TRAPPC9: variants seen among roughly 807,000 people sequenced by gnomAD.
The protein encoded by TRAPPC9 is IKK2 binding protein.
TRAPPC9 carries 83 observed loss-of-function variants against 124.0 expected under a neutral mutation model. That is an observed-to-expected ratio of 0.67 (90% CI 0.56 to 0.80). The LOEUF is 0.80. Ranked by LOEUF, TRAPPC9 falls within the 30% of genes least tolerant of loss-of-function variation. The pLI, the probability that TRAPPC9 is intolerant of heterozygous loss-of-function variation, is 0.00. For synonymous variants in TRAPPC9, 638 were observed against 617.5 expected, an observed-to-expected ratio of 1.03 and a Z score of -0.49; for missense variants, 1,302 against 1,508.3, an observed-to-expected ratio of 0.86 and a Z score of 2.27.
rs572737043 is a variant in TRAPPC9, at chr8:140,182,699, G to A, written c.2556+38760C>T. Among the ~76,000 whole-genome samples, 3 of 152,274 alleles carry A rather than the reference G, an allele frequency of 2.0e-5. No individual in the cohort carries two copies. Among genetic ancestry groups the A allele is most frequent in the Middle Eastern group, 3.4e-3 (1 of 294 alleles). ...TGTGCCATTTGAGAGCTTACTTTAA[G>A]AAATTCTAAAAATACAGCCTCTTGG... On this transcript the variant is annotated intron_variant, in intron 17 of 22. Coordinates refer to ENST00000438773, the MANE Select transcript of TRAPPC9 (RefSeq NM_001160372.4). This position sits in a 1 kb window ranked among gnomAD's most constrained non-coding sequence, Gnocchi z 4.0.
rs1235614789 is a variant in TRAPPC9, at chr8:140,339,065, CCA to C, written c.1495+20983_1495+20984del. Among the ~76,000 whole-genome samples the C allele has an allele frequency of 5.4e-5, 8 of 148,484 alleles. No individual in the cohort carries two copies. In the East Asian group the frequency reaches 1.6e-3, roughly 30 times the overall value. On this transcript the variant is annotated intron_variant, in intron 9 of 22. Transcript: ENST00000438773. The stretch of plus-strand genomic sequence containing the variant: ...AACGGCTCAGAGAAAACCACCGCCA[CCA>C]GACGGCCACCTACAGGCCGACGGGA...
intron 16 of TRAPPC9, among the ~76,000 whole-genome samples, chr8:140,226,321 G>T (rs1157093051): frequency 6.6e-6 from 1 of 152,178 alleles, no homozygotes; most frequent in East Asian, 1.9e-4. Context: ...GGCCAGCGTG[G>T]TGGCTCACAC....
intron 17 of TRAPPC9, among the ~76,000 whole-genome samples, chr8:140,081,062 T>C (rs1013157709): frequency 2.0e-5 from 3 of 152,148 alleles, no homozygotes; most frequent in Non-Finnish European, 4.4e-5. Flanking sequence ...ACCCTGGCTC[T>C]GGAGGTGTGA....
intron 17 of TRAPPC9, among the ~76,000 whole-genome samples, chr8:140,062,772 A>G (rs1482134995): frequency 6.6e-6 from 1 of 152,062 alleles, no homozygotes; most frequent in Non-Finnish European, 1.5e-5. Context: ...ACATGGTGGC[A>G]CTCAGAAAGC....
chr8:139,998,755 A>G (rs1838206065), intron 18 of TRAPPC9, among the ~76,000 whole-genome samples: 1 of 152,192 alleles, frequency 6.6e-6, no homozygotes, highest in African/African-American at 2.4e-5. Context: ...ACAAAACAAA[A>G]AAAAACAATG....
chr8:140,272,116 A>ATGATG (rs1588062396), intron 15 of TRAPPC9, among the ~76,000 whole-genome samples: 15 of 120,118 alleles, frequency 1.2e-4, no homozygotes, highest in African/African-American at 2.9e-4. Flanking sequence ...TGGTGGTGGC[A>ATGATG]ATGGTGATGG....
intron 17 of TRAPPC9, among the ~76,000 whole-genome samples, chr8:140,181,932 G>A (rs1463921560): frequency 6.6e-6 from 1 of 152,096 alleles, no homozygotes; most frequent in African/African-American, 2.4e-5. Context: ...GGTTTCCTAT[G>A]GTAAATCTGT....
At chr8:139,963,772 A>C (rs1289907508) in intron 19 of TRAPPC9, among the ~76,000 whole-genome samples, 2 of 129,822 alleles carry the variant, frequency 1.5e-5, no homozygotes, top group South Asian at 2.5e-4. Flanking sequence ...AAAAAAAAAA[A>C]AAAAACAACT....
At chr8:140,414,484 T>C (rs1261239347) in intron 5 of TRAPPC9, among the ~76,000 whole-genome samples, 1 of 152,080 alleles carries the variant, frequency 6.6e-6, no homozygotes, top group Admixed American at 6.5e-5. Context: ...CAATGAGCCA[T>C]GATCATGCCA....
chr8:140,383,877 T>C (rs2068681734), intron 7 of TRAPPC9, among the ~76,000 whole-genome samples: 1 of 151,984 alleles, frequency 6.6e-6, no homozygotes, highest in Non-Finnish European at 1.5e-5. Flanking sequence ...TCACCAAAGT[T>C]GAAATGAAGG....
At chr8:139,915,799 G>C (rs1832088426) in intron 19 of TRAPPC9, among the ~76,000 whole-genome samples, 1 of 152,232 alleles carries the variant, frequency 6.6e-6, no homozygotes, top group Non-Finnish European at 1.5e-5. Context: ...TGGGAGCTCT[G>C]TGAGGGAAGG....
intron 17 of TRAPPC9, among the ~76,000 whole-genome samples, chr8:140,113,056 C>G (rs1177055577): frequency 6.6e-6 from 1 of 152,092 alleles, no homozygotes; most frequent in African/African-American, 2.4e-5. Context: ...ATAATTTTTC[C>G]TTTGCTTACT....
chr8:140,041,898 G>A (rs1187972313), intron 17 of TRAPPC9, among the ~76,000 whole-genome samples: 1 of 152,152 alleles, frequency 6.6e-6, no homozygotes, highest in African/African-American at 2.4e-5. Context: ...CTTGAACCCA[G>A]GGGTGGAGGT....
intron 8 of TRAPPC9, among the ~76,000 whole-genome samples, chr8:140,366,239 T>C (rs1199016814): frequency 2.0e-5 from 3 of 152,222 alleles, no homozygotes; most frequent in South Asian, 2.1e-4. Context: ...CACCTGTCCA[T>C]GTGTCTTTAT....
chr8:139,768,977 C>T (rs911639111), intron 21 of TRAPPC9, among the ~76,000 whole-genome samples: 2 of 152,216 alleles, frequency 1.3e-5, no homozygotes, highest in Admixed American at 6.5e-5. Context: ...AGGCAGTCGT[C>T]TACAGGCCAA....
intron 21 of TRAPPC9, among the ~76,000 whole-genome samples, chr8:139,754,937 C>T (rs971319093): frequency 1.3e-5 from 2 of 152,242 alleles, no homozygotes; most frequent in Non-Finnish European, 2.9e-5. Flanking sequence ...GGTGTGGCTA[C>T]CAGGGAAACC....
At chr8:139,756,994 C>T (rs1454216701) in intron 21 of TRAPPC9, among the ~76,000 whole-genome samples, 1 of 130,648 alleles carries the variant, frequency 7.7e-6, no homozygotes, top group East Asian at 2.5e-4. Flanking sequence ...ATGAGGACAG[C>T]ATGTCGCAGG....
At chr8:140,303,976 A>G (rs2066051707) in intron 10 of TRAPPC9, among the ~76,000 whole-genome samples, 1 of 152,212 alleles carries the variant, frequency 6.6e-6, no homozygotes, top group African/African-American at 2.4e-5. Flanking sequence ...TTACTCACCA[A>G]TGTAGACATT....
intron 17 of TRAPPC9, among the ~76,000 whole-genome samples, chr8:140,165,382 C>CA (rs2061817262): frequency 7.2e-6 from 1 of 139,192 alleles, no homozygotes; most frequent in African/African-American, 2.6e-5. Flanking sequence ...AATAAAAATA[C>CA]AAAAAAATTA....
Sources: allele counts gnomAD v4.1 joint callset (sites outside exome capture counted in the v4.1 genomes callset), GRCh38; gene constraint gnomAD v4.1.1; non-coding constraint Gnocchi (gnomAD v3.1); transcripts MANE v1.5; gene names NCBI Gene and HGNC (gene_info 2026-07-23, HGNC 2026-07-21).